MACROD2: variants seen among roughly 807,000 people sequenced by gnomAD.
The protein encoded by MACROD2 is ADP-ribose glycohydrolase MACROD2.
MACROD2 carries 36 observed loss-of-function variants against 70.4 expected under a neutral mutation model. That is an observed-to-expected ratio of 0.51 (90% CI 0.39 to 0.68). MACROD2 has a LOEUF of 0.68. MACROD2 is among the 30% of genes least tolerant of loss of function. MACROD2 has a pLI of 0.00. For missense variants in MACROD2, 496 were observed against 538.4 expected, an observed-to-expected ratio of 0.92 and a Z score of 0.78; for synonymous variants, 172 against 178.8, an observed-to-expected ratio of 0.96 and a Z score of 0.30.
intron 5 of MACROD2, among the ~76,000 whole-genome samples, chr20:14,928,484 GTCAAC>G (rs1467320437): frequency 1.3e-5 from 2 of 152,174 alleles, no homozygotes; most frequent in African/African-American, 4.8e-5. Flanking sequence ...GTGTTTAAGG[GTCAAC>G]TATTCTGACT....
At chr20:14,928,781 A>G (rs1386547303) in intron 5 of MACROD2, among the ~76,000 whole-genome samples, 1 of 152,160 alleles carries the variant, frequency 6.6e-6, no homozygotes, top group Non-Finnish European at 1.5e-5. Flanking sequence ...CATCTTCTCA[A>G]ATTCACTAGA....
chr20:15,528,577 A>G (rs2047752995), intron 8 of MACROD2, among the ~76,000 whole-genome samples: 1 of 152,212 alleles, frequency 6.6e-6, no homozygotes, highest in South Asian at 2.1e-4. Flanking sequence ...AGCCCTGCCA[A>G]GAAGGCTGGC....
At chr20:14,172,675 A>G (rs896119476) in intron 3 of MACROD2, among the ~76,000 whole-genome samples, 5 of 152,158 alleles carry the variant, frequency 3.3e-5, no homozygotes, top group Admixed American at 2.6e-4. Flanking sequence ...GATGTGAGGT[A>G]CTATTCTATA....
chr20:14,572,647 A>G (rs1328934567), intron 4 of MACROD2, among the ~76,000 whole-genome samples: 7 of 152,120 alleles, frequency 4.6e-5, no homozygotes, highest in African/African-American at 1.4e-4. Context: ...TGATTCTGTT[A>G]TTCAAAAATA....
chr20:14,541,412 T>C (rs767607397), intron 4 of MACROD2, among the ~76,000 whole-genome samples: 7 of 152,138 alleles, frequency 4.6e-5, no homozygotes, highest in Non-Finnish European at 7.4e-5. Context: ...TCTCCGACCA[T>C]CTCATATAAA....
chr20:14,465,571 T>G (rs918536661), intron 3 of MACROD2, among the ~76,000 whole-genome samples: 5 of 152,102 alleles, frequency 3.3e-5, no homozygotes, highest in African/African-American at 1.2e-4. Context: ...TTTGATCCTG[T>G]CATTATGATG....
chr20:15,443,292 A>G (rs945300971), intron 7 of MACROD2, among the ~76,000 whole-genome samples: 2 of 145,282 alleles, frequency 1.4e-5, no homozygotes, highest in Admixed American at 6.8e-5. Flanking sequence ...ATCATAGTTG[A>G]GTGGAAATAT....
chr20:14,566,853 T>C (rs1979838893), intron 4 of MACROD2: 1 of 151,884 alleles, frequency 6.6e-6, no homozygotes, highest in African/African-American at 2.4e-5. Context: ...CTTAGGAACA[T>C]AGGAATTCTA....
At chr20:14,109,455 TC>T (rs2054418019) in intron 3 of MACROD2, among the ~76,000 whole-genome samples, 1 of 151,422 alleles carries the variant, frequency 6.6e-6, no homozygotes, top group East Asian at 1.9e-4. Flanking sequence ...AAAAGATCAA[TC>T]AAATAAAAAG....
intron 2 of MACROD2, among the ~76,000 whole-genome samples, chr20:14,038,110 A>G (rs1393407376): frequency 6.6e-6 from 1 of 152,136 alleles, no homozygotes; most frequent in African/African-American, 2.4e-5. Context: ...CCTGGCCAAT[A>G]TGGTGAAACC....
In MACROD2 at chr20:14,051,755, G is replaced by C. The variant is rs189089885; in HGVS notation, c.164-33866G>C. On this transcript the variant is annotated intron_variant, in intron 2 of 17. Coordinates refer to ENST00000684519, the MANE Select transcript of MACROD2 (RefSeq NM_001351661.2). ...GTGGGTATTTTTGAGTTGAGATTAG[G>C]AATTGATTAGTATCAGAATAGTAAC... The C allele has an allele frequency of 7.5e-5, 33 of 438,684 alleles. No individual in the cohort carries two copies. In the Admixed American group the frequency reaches 7.5e-4, roughly 10 times the overall value. 27.2% of individuals were successfully genotyped at this position (438,684 alleles called of 1,614,324 possible).
Position 14,862,620 on chromosome 20 carries a change from T to TATATGTATAAATATATATATAA in MACROD2, c.418+177665_418+177666insGTATAAATATATATATAAATAT, listed in dbSNP as rs1568841339. ...ATATAAATATAAATATATATAAATA[T>TATATGTATAAATATATATATAA]ATATATATAAATATATATATAAATA... On this transcript the variant is annotated intron_variant, in intron 5 of 17. Transcript: ENST00000684519. 4.3e-3 allele frequency among the ~76,000 whole-genome samples: 76 copies of TATATGTATAAATATATATATAA among 17,678 alleles called. 3 individuals carry two copies. The highest frequency in any genetic ancestry group is 0.014 in the African/African-American group (72 of 5,274). The allele number at this position is 17,678 out of a possible 152,430, so 11.6% of individuals were successfully genotyped here. A position where few individuals can be genotyped will look rare whatever the true frequency, so the allele number is the denominator to read the frequency against.
At position 14,486,330 on chromosome 20, in the gene MACROD2, A is replaced by G. The variant is rs974157989; in HGVS notation, c.272-7149A>G. Among the ~76,000 whole-genome samples the G allele has an allele frequency of 3.9e-5, 6 of 152,090 alleles. No homozygotes were observed. In the East Asian group the frequency reaches 1.2e-3, roughly 29 times the overall value. ...AACCAGGGAAGAAAATGTTGAATGCATTCTAATCTCTCCTGTCATCTGCCA... is the reference window on the plus strand; with the variant it reads ...AACCAGGGAAGAAAATGTTGAATGCGTTCTAATCTCTCCTGTCATCTGCCA... On this transcript the variant is annotated intron_variant, in intron 3 of 17. Coordinates refer to ENST00000684519, the MANE Select transcript of MACROD2 (RefSeq NM_001351661.2).
chr20:15,602,885 G>T (rs2048841313), intron 8 of MACROD2, among the ~76,000 whole-genome samples: 1 of 151,924 alleles, frequency 6.6e-6, no homozygotes, highest in Non-Finnish European at 1.5e-5. Context: ...CCCTTTGGGA[G>T]TTCTTATAGT....
At chr20:14,619,108 GAT>G (rs1300941816) in intron 4 of MACROD2, among the ~76,000 whole-genome samples, 1 of 151,862 alleles carries the variant, frequency 6.6e-6, no homozygotes, top group African/African-American at 2.4e-5. Context: ...ACTATGTAAA[GAT>G]ATCATTATTT....
At chr20:15,614,458 C>T (rs1600669102) in intron 8 of MACROD2, among the ~76,000 whole-genome samples, 1 of 152,136 alleles carries the variant, frequency 6.6e-6, no homozygotes, top group East Asian at 1.9e-4. Context: ...TAAAGGGAAG[C>T]ATGCCAGCTC....
At chr20:15,198,965 C>A (rs1601211828) in intron 5 of MACROD2, among the ~76,000 whole-genome samples, 1 of 146,372 alleles carries the variant, frequency 6.8e-6, no homozygotes. Context: ...ATAGTGGCTT[C>A]ATTGAGCATT....
At chr20:15,591,713 T>G (rs1390389401) in intron 8 of MACROD2, among the ~76,000 whole-genome samples, 1 of 152,096 alleles carries the variant, frequency 6.6e-6, no homozygotes, top group Non-Finnish European at 1.5e-5. Context: ...CCTTGTTTCA[T>G]TAGGTTTATT....
intron 1 of MACROD2, among the ~76,000 whole-genome samples, chr20:13,999,633 G>A (rs1408378147): frequency 4.6e-5 from 7 of 152,066 alleles, no homozygotes; most frequent in African/African-American, 9.7e-5. Context: ...GTTATTTGAC[G>A]TTGTTTATAG....
Sources: allele counts gnomAD v4.1 joint callset (sites outside exome capture counted in the v4.1 genomes callset), GRCh38; gene constraint gnomAD v4.1.1; transcripts MANE v1.5; gene names NCBI Gene and HGNC (gene_info 2026-07-23, HGNC 2026-07-21).